Variants in NRG3 observed in about 807,000 individuals in gnomAD.
The protein encoded by NRG3 is pro-neuregulin-3, membrane-bound isoform.
A neutral mutation model predicts 66.9 loss-of-function variants in NRG3; 31 were observed. The observed-to-expected ratio is 0.46, with a 90% CI of 0.35 to 0.63. NRG3 has a LOEUF of 0.63. Among genes scored for constraint, NRG3 ranks in the 20% least tolerant of loss-of-function variants. NRG3 has a pLI of 0.00. For missense variants in NRG3, 910 were observed against 878.9 expected (o/e 1.04, Z -0.45); for synonymous variants, 393 against 359.4 (o/e 1.09, Z -1.06).
chr10:82,356,130 A>G (rs2083764811), intron 1 of NRG3, among the ~76,000 whole-genome samples: 1 of 152,200 alleles, frequency 6.6e-6, no homozygotes, highest in Non-Finnish European at 1.5e-5. Context: ...AGATGATAAC[A>G]TGATGGAGAA....
chr10:82,819,425 T>C (rs2061852499), intron 3 of NRG3, among the ~76,000 whole-genome samples: 1 of 152,214 alleles, frequency 6.6e-6, no homozygotes, highest in South Asian at 2.1e-4. Flanking sequence ...ATCAAAAGTA[T>C]ATAAAGCACT....
chr10:82,927,284 A>C (rs909815786), intron 4 of NRG3, among the ~76,000 whole-genome samples: 21 of 152,216 alleles, frequency 1.4e-4, no homozygotes, highest in African/African-American at 5.1e-4. Context: ...AAAATACTTA[A>C]AAATTAGTTT....
rs1333823222 is a variant in NRG3 at position 82,620,572 on chromosome 10, AG to A, written c.954-118004del. On this transcript the variant is annotated intron_variant, in intron 2 of 8. Transcript: ENST00000372141. ...GCTGCTTCTCTCTCTCTACCAAATGAGTCTGGGTCTTTATAGGGCACAGGAT... is the reference window on the plus strand; with the variant it reads ...GCTGCTTCTCTCTCTCTACCAAATGATCTGGGTCTTTATAGGGCACAGGAT... 2.6e-5 allele frequency among the ~76,000 whole-genome samples: 4 copies of A among 152,036 alleles called. No individual in the cohort carries two copies. The East Asian group carries it at 7.7e-4, about 29-fold the overall frequency.
At chr10:82,561,901 A>G (rs1347361374) in intron 2 of NRG3, among the ~76,000 whole-genome samples, 3 of 152,210 alleles carry the variant, frequency 2.0e-5, no homozygotes, top group Non-Finnish European at 4.4e-5. Flanking sequence ...TTTGAACTTC[A>G]ATATGAGGGC....
At chr10:82,460,611 A>G (rs2091467369) in intron 2 of NRG3, among the ~76,000 whole-genome samples, 1 of 152,216 alleles carries the variant, frequency 6.6e-6, no homozygotes, top group East Asian at 1.9e-4. Flanking sequence ...GAGACAGTGC[A>G]GGCTTTCTGG....
chr10:82,026,909 T>G (rs1472523622), intron 1 of NRG3, among the ~76,000 whole-genome samples: 2 of 151,998 alleles, frequency 1.3e-5, no homozygotes, highest in Admixed American at 6.6e-5. Context: ...CTTGTATTAT[T>G]TCTTGGCTTT....
At chr10:82,716,267 G>A (rs1003608206) in intron 2 of NRG3, among the ~76,000 whole-genome samples, 12 of 152,094 alleles carry the variant, frequency 7.9e-5, no homozygotes, top group Admixed American at 6.6e-4. Context: ...ATTGGGTTGG[G>A]TTAAGCATAT....
intron 2 of NRG3, among the ~76,000 whole-genome samples, chr10:82,603,510 T>C (rs576410567): frequency 2.2e-4 from 33 of 152,326 alleles, no homozygotes; most frequent in Non-Finnish European, 3.5e-4. Context: ...CTAACTGTAG[T>C]GCAGTCAGAA....
intron 6 of NRG3, among the ~76,000 whole-genome samples, chr10:82,973,332 G>C (rs575978502): frequency 6.6e-6 from 1 of 152,318 alleles, no homozygotes; most frequent in Non-Finnish European, 1.5e-5. Context: ...GTGGAATGTG[G>C]TGGCCAGATA....
intron 2 of NRG3, among the ~76,000 whole-genome samples, chr10:82,694,710 G>T (rs1361494806): frequency 6.6e-6 from 1 of 152,092 alleles, no homozygotes; most frequent in African/African-American, 2.4e-5. Context: ...TCATAATTGT[G>T]CCATTGCAAC....
chr10:81,893,810 C>T (rs1843253848), intron 1 of NRG3, among the ~76,000 whole-genome samples: 2 of 152,204 alleles, frequency 1.3e-5, no homozygotes, highest in African/African-American at 2.4e-5. Context: ...GTGTCAGATG[C>T]CTCTCTGAGG....
At chr10:82,868,595 G>A (rs1840992848) in intron 4 of NRG3, among the ~76,000 whole-genome samples, 1 of 152,164 alleles carries the variant, frequency 6.6e-6, no homozygotes, top group African/African-American at 2.4e-5. Flanking sequence ...TGAATATGCT[G>A]TTTTCACTGA....
At chr10:82,830,959 C>A (rs528654029) in intron 3 of NRG3, among the ~76,000 whole-genome samples, 2 of 152,278 alleles carry the variant, frequency 1.3e-5, no homozygotes, top group African/African-American at 2.4e-5. Flanking sequence ...CTGATATGTT[C>A]TGGATATCTG....
intron 2 of NRG3, among the ~76,000 whole-genome samples, chr10:82,433,405 T>C (rs1222115430): frequency 6.6e-6 from 1 of 152,094 alleles, no homozygotes; most frequent in African/African-American, 2.4e-5. Context: ...TGTTCTCCCA[T>C]TCTGTAGATT....
At chr10:82,562,669 GT>G (rs1176154905) in intron 2 of NRG3, among the ~76,000 whole-genome samples, 3 of 152,078 alleles carry the variant, frequency 2.0e-5, no homozygotes, top group African/African-American at 7.2e-5. Flanking sequence ...TATAGTAAAA[GT>G]TTTTTCTCAA....
At chr10:82,162,435 C>T (rs1404400563) in intron 1 of NRG3, among the ~76,000 whole-genome samples, 4 of 152,140 alleles carry the variant, frequency 2.6e-5, no homozygotes, top group Non-Finnish European at 5.9e-5. Flanking sequence ...ATCATTTTGT[C>T]AGTTGTTCTG....
rs945885673 is a variant in NRG3 at position 82,189,971 on chromosome 10, AAAAC to A, written c.824-168756_824-168753del. 1.8e-3 allele frequency among the ~76,000 whole-genome samples: 265 copies of A among 150,490 alleles called. 2 individuals carry two copies. The highest frequency in any genetic ancestry group is 2.7e-4 in the Non-Finnish European group (18 of 67,440). The stretch of plus-strand genomic sequence containing the variant: ...GAGCGAGACCCCGCCTGAAAATAAA[AAAAC>A]AAACAAACAAAAAAAACAGAGAAAT... On this transcript the variant is annotated intron_variant, in intron 1 of 8. Coordinates refer to ENST00000372141, the MANE Select transcript of NRG3 (RefSeq NM_001010848.4).
chr10:82,926,722 G>C (rs565969107), intron 4 of NRG3, among the ~76,000 whole-genome samples: 2 of 152,286 alleles, frequency 1.3e-5, no homozygotes, highest in Non-Finnish European at 2.9e-5. Flanking sequence ...AGCAAAATAA[G>C]TAATTAAAAT....
At chr10:82,027,982 A>G (rs1012283943) in intron 1 of NRG3, among the ~76,000 whole-genome samples, 1 of 152,098 alleles carries the variant, frequency 6.6e-6, no homozygotes, top group African/African-American at 2.4e-5. Context: ...CTCACTGCCC[A>G]CTGCACTCTT....
Sources: gnomAD v4.1 joint callset for allele counts (sites outside exome capture counted in the v4.1 genomes callset) on GRCh38, gnomAD v4.1.1 for gene constraint, MANE v1.5 for transcripts, NCBI Gene and HGNC (gene_info 2026-07-23, HGNC 2026-07-21) for gene names.